COBLL1: variants seen among roughly 807,000 people sequenced by gnomAD.
The protein encoded by COBLL1 is cordon-bleu protein-like 1.
In COBLL1, 50 loss-of-function variants were observed where a neutral mutation model predicts 94.8. The observed-to-expected ratio is 0.53, with a 90% CI of 0.42 to 0.67. The LOEUF (loss-of-function observed/expected upper bound fraction) is 0.67, where lower values mean the gene tolerates loss of function less well. COBLL1 is among the 30% of genes least tolerant of loss of function. The pLI is 0.00. For synonymous variants in COBLL1, 448 were observed against 473.8 expected, an observed-to-expected ratio of 0.95 and a Z score of 0.71; for missense variants, 1,362 against 1,348.7, an observed-to-expected ratio of 1.01 and a Z score of -0.15.
At chr2:164,704,395 T>C (rs1410171995) in intron 9 of COBLL1, 49 bp downstream of exon 9, 1 of 1,208,582 alleles carries the variant, frequency 8.3e-7, no homozygotes, top group Non-Finnish European at 1.2e-6. Flanking sequence ...TCAATTATCA[T>C]GGACGTCCTT....
intron 2 of COBLL1, among the ~76,000 whole-genome samples, chr2:164,747,425 T>G (rs12616075): frequency 6.6e-6 from 1 of 152,130 alleles, no homozygotes; most frequent in African/African-American, 2.4e-5. Context: ...TCACTATACA[T>G]AAGCCAATTT....
chr2:164,831,474 T>G (rs1683072099), intron 2 of COBLL1, among the ~76,000 whole-genome samples: 1 of 151,888 alleles, frequency 6.6e-6, no homozygotes, highest in Admixed American at 6.6e-5. Context: ...TAAATATTCT[T>G]TTCAGCTGCT....
intron 2 of COBLL1, among the ~76,000 whole-genome samples, chr2:164,659,432 A>C (rs1196763729): frequency 6.6e-6 from 1 of 152,212 alleles, no homozygotes; most frequent in Non-Finnish European, 1.5e-5. Context: ...GTCTGGAAGA[A>C]ATGTGGCTGG....
Position 164,694,496 on chromosome 2 carries a change from G to C in COBLL1, c.2896C>G (p.Gln966Glu), listed in dbSNP as rs1388735340. Residue 966 changes from glutamine to glutamate, a missense_variant, in exon 12 of 14, where the codon CAA (glutamine) becomes GAA (glutamate). By Grantham distance (29) the Gln-to-Glu change is conservative (BLOSUM62 2). Coordinates refer to ENST00000652658, the MANE Select transcript of COBLL1 (RefSeq NM_001365672.2). ...VTIPASQVSTQNLKTLKTFGA... is the reference protein window; with the variant it reads ...VTIPASQVSTENLKTLKTFGA... ...AAAGTTTTCAAAGTCTTCAGATTTT[G>C]TGTGGATACCTGACTAGCAGGAATT... 5 of 1,614,002 alleles carry C rather than the reference G, an allele frequency of 3.1e-6. No homozygotes were observed. In the East Asian group the frequency reaches 1.1e-4, roughly 36 times the overall value.
Position 164,695,452 on chromosome 2 carries a change from G to T in COBLL1, c.1940C>A (p.Ser647Ter). The change falls in exon 12 of 14, where the codon TCA (serine) becomes TAA (stop). Residue 647 changes from serine (S) to a stop codon, truncating the protein, a stop_gained. Transcript: ENST00000652658. LOFTEE classifies it high-confidence loss of function. The part of the protein sequence containing the change: ...NISTQHSCLS[S>*]QDSVNTSREF... ...CCTTGAGGTATTTACAGAATCTTGT[G>T]AACTTAAGCATGAGTGTTGAGTTGA... 1 of 1,613,888 alleles carries T rather than the reference G, an allele frequency of 6.2e-7. No homozygotes were observed. Among genetic ancestry groups the T allele is most frequent in the Non-Finnish European group, 8.5e-7 (1 of 1,179,912 alleles).
At chr2:164,709,455 C>T (rs752998502) in intron 7 of COBLL1, among the ~76,000 whole-genome samples, 1 of 152,154 alleles carries the variant, frequency 6.6e-6, no homozygotes, top group African/African-American at 2.4e-5. Flanking sequence ...CCGTGGCTCA[C>T]GCCTGTAATC....
chr2:164,735,016 C>A (rs1477487848), intron 3 of COBLL1, among the ~76,000 whole-genome samples: 10 of 152,136 alleles, frequency 6.6e-5, no homozygotes, highest in Non-Finnish European at 1.5e-4. Flanking sequence ...GAACCTTCCA[C>A]AGGAAGTGGA....
Position 164,743,764 on chromosome 2 carries a change from T to A in COBLL1, c.153A>T (p.Glu51Asp), listed in dbSNP as rs1008433697. The change falls in exon 3 of 14, where the codon GAA becomes GAT. Residue 51 changes from glutamate (E) to aspartate (D), a missense_variant. Physicochemically the swap from Glu to Asp is conservative, Grantham distance 45. Coordinates refer to ENST00000652658, the MANE Select transcript of COBLL1 (RefSeq NM_001365672.2). ...GTTCAACGTCTTTATCTATCATGTT[T>A]TCTTTCTGTTCCATGATGAAAGCAG... is the stretch of plus-strand genomic sequence containing the variant. ...ESTAFIMEQK[E>D]NMIDKDVELS... 6.2e-7 allele frequency: 1 copy of A among 1,613,438 alleles called. No individual in the cohort carries two copies. The highest frequency in any genetic ancestry group is 1.3e-5 in the African/African-American group (1 of 74,884).
intron 3 of COBLL1, among the ~76,000 whole-genome samples, chr2:164,731,666 G>A (rs1331133574): frequency 6.6e-6 from 1 of 152,110 alleles, no homozygotes; most frequent in African/African-American, 2.4e-5. Flanking sequence ...TAGGGTAATC[G>A]GGTAGCCAGC....
chr2:164,779,895 A>G (rs1688655215), intron 2 of COBLL1: 1 of 306,720 alleles, frequency 3.3e-6, no homozygotes, highest in Non-Finnish European at 6.9e-6. Context: ...GCCTCCATCT[A>G]TGGGAATGTT....
chr2:164,771,076 T>C (rs2105249440), intron 2 of COBLL1, among the ~76,000 whole-genome samples: 1 of 152,204 alleles, frequency 6.6e-6, no homozygotes, highest in Admixed American at 6.5e-5. Flanking sequence ...CTTAATTGCC[T>C]TCTACCACTT....
At chr2:164,690,563 G>A (rs1347135206) in intron 13 of COBLL1, among the ~76,000 whole-genome samples, 1 of 152,166 alleles carries the variant, frequency 6.6e-6, no homozygotes, top group Non-Finnish European at 1.5e-5. Flanking sequence ...TGGCCTAAAA[G>A]GCATTTCCAA....
Position 164,684,814 on chromosome 2 carries a change from T to C in COBLL1, c.*1132A>G, listed in dbSNP as rs1161159492. ...GAAAAAAAAATCCCCAAGAGGCAGA[T>C]ATCCCAGTAGTTTTAGTGAAAACAA... On this transcript the variant is annotated 3_prime_UTR_variant, in exon 14 of 14. Coordinates refer to ENST00000652658, the MANE Select transcript of COBLL1 (RefSeq NM_001365672.2). The C allele has an allele frequency of 2.0e-5, 3 of 152,106 alleles. No homozygotes were observed. The highest frequency in any genetic ancestry group is 2.1e-4 in the South Asian group (1 of 4,832). The allele number at this position is 152,106 out of a possible 1,614,324, so 9.4% of individuals were successfully genotyped here.
intron 2 of COBLL1, among the ~76,000 whole-genome samples, chr2:164,757,717 T>G (rs1687481633): frequency 1.3e-5 from 2 of 151,822 alleles, no homozygotes; most frequent in African/African-American, 4.8e-5. Context: ...GAGCCTGAGG[T>G]GGTAGGATCA....
chr2:164,763,284 TTTTTC>T (rs1383960093), intron 2 of COBLL1, among the ~76,000 whole-genome samples: 1 of 152,150 alleles, frequency 6.6e-6, no homozygotes, highest in Non-Finnish European at 1.5e-5. Flanking sequence ...AAAAATGTCT[TTTTTC>T]TTTTTTTTTT....
chr2:164,730,177 C>A, intron 3 of COBLL1, 62 bp from the exon 4 acceptor site: 1 of 1,364,984 alleles, frequency 7.3e-7, no homozygotes, highest in East Asian at 2.3e-5. Context: ...GAATGCTTGT[C>A]TTCAATAGAT....
chr2:164,789,351 T>C (rs1574591931), intron 2 of COBLL1, among the ~76,000 whole-genome samples: 1 of 152,100 alleles, frequency 6.6e-6, no homozygotes, highest in South Asian at 2.1e-4. Flanking sequence ...TGGTCATGTG[T>C]GTTTAGCCAG....
At chr2:164,698,379 C>T (rs1174137365) in intron 11 of COBLL1, 1 of 133,106 alleles carries the variant, frequency 7.5e-6, no homozygotes, top group African/African-American at 3.2e-5. Flanking sequence ...ATACCACACA[C>T]ATACAATTAT....
chr2:164,684,763 A>G lies in COBLL1; in HGVS notation c.*1183T>C, dbSNP rs904603661. The G allele has an allele frequency of 2.6e-5, 4 of 152,136 alleles. No homozygotes were observed. Among genetic ancestry groups the G allele is most frequent in the Admixed American group, 1.3e-4 (2 of 15,258 alleles). The allele number at this position is 152,136 out of a possible 1,614,324, so 9.4% of individuals were successfully genotyped here. ...ACTATATATTTTAAAAAGCACCCCA[A>G]ATATACAACTTGCTTTTATTAAATT... On this transcript the variant is annotated 3_prime_UTR_variant, in exon 14 of 14. Coordinates refer to ENST00000652658, the MANE Select transcript of COBLL1 (RefSeq NM_001365672.2).
Sources: gnomAD v4.1 joint callset for allele counts (sites outside exome capture counted in the v4.1 genomes callset) on GRCh38, gnomAD v4.1.1 for gene constraint, MANE v1.5 for transcripts, NCBI Gene and HGNC (gene_info 2026-07-23, HGNC 2026-07-21) for gene names.